The following RBM33 variants were observed in gnomAD, a reference collection of about 807,000 sequenced individuals.
RBM33 encodes RNA binding motif protein 33.
A neutral mutation model predicts 132.6 loss-of-function variants in RBM33; 28 were observed. That is an observed-to-expected ratio of 0.21 (90% CI 0.16 to 0.29). RBM33 has a LOEUF of 0.29. Ranked by LOEUF, RBM33 falls within the 10% of genes least tolerant of loss-of-function variation. The pLI, the probability that RBM33 is intolerant of heterozygous loss-of-function variation, is 1.00. For missense variants in RBM33, 1,291 were observed against 1,518.5 expected (o/e 0.85, Z 2.49); for synonymous variants, 634 against 593.0 (o/e 1.07, Z -1.01).
In RBM33 at chr7:155,766,447, A is replaced by G. The variant is rs1466951577; in HGVS notation, c.3187-20A>G. ...AGCTCAGGCTTGAAACTCTGAATGT[A>G]TTTCCTTTGTTGTCACCAGGCCATC... On this transcript the variant is annotated intron_variant, in intron 15 of 17. Coordinates refer to ENST00000401878, the MANE Select transcript of RBM33 (RefSeq NM_053043.3). The G allele has an allele frequency of 6.2e-7, 1 of 1,611,922 alleles. No homozygotes were observed. The highest frequency in any genetic ancestry group is 8.5e-7 in the Non-Finnish European group (1 of 1,179,550).
At chr7:155,754,456 G>C (rs1452790514) in intron 14 of RBM33, among the ~76,000 whole-genome samples, 1 of 152,232 alleles carries the variant, frequency 6.6e-6, no homozygotes, top group Admixed American at 6.5e-5. Context: ...GCACCCCTCT[G>C]TGAGGGACTG....
At chr7:155,701,097 A>G (rs972568765) in intron 6 of RBM33, 153 bp downstream of exon 6, 1 of 670,260 alleles carries the variant, frequency 1.5e-6, no homozygotes, top group African/African-American at 1.8e-5. Flanking sequence ...AGTGCTGTTT[A>G]TGGTACTGTA....
chr7:155,734,564 G>A (rs954285114), intron 9 of RBM33, among the ~76,000 whole-genome samples: 1 of 152,152 alleles, frequency 6.6e-6, no homozygotes, highest in African/African-American at 2.4e-5. Flanking sequence ...TTCAGGCTGT[G>A]ATATTGTCTC....
At chr7:155,738,824 A>G (rs2117025933) in intron 11 of RBM33, 1 of 172,520 alleles carries the variant, frequency 5.8e-6, no homozygotes, top group African/African-American at 2.4e-5. Flanking sequence ...TTCACTGGTT[A>G]TTTGAAGGCC....
chr7:155,713,068 G>C (rs1205266380), intron 8 of RBM33, among the ~76,000 whole-genome samples: 1 of 152,164 alleles, frequency 6.6e-6, no homozygotes, highest in East Asian at 1.9e-4. Context: ...GGGCCGATGG[G>C]ATTTGCTGAT....
At chr7:155,707,116 G>GCA (rs746216056) in intron 7 of RBM33, 48 bp downstream of exon 7, 8 of 1,431,608 alleles carry the variant, frequency 5.6e-6, no homozygotes, top group African/African-American at 1.4e-5. Context: ...AGAACAAATG[G>GCA]CAGTAAGCTT....
At chr7:155,653,357 T>G (rs1563127922) in intron 1 of RBM33, among the ~76,000 whole-genome samples, 1 of 152,138 alleles carries the variant, frequency 6.6e-6, no homozygotes, top group Non-Finnish European at 1.5e-5. Context: ...CATGCCCTTT[T>G]GGGGGATGCT....
Position 155,711,285 on chromosome 7 carries a change from T to C in RBM33, c.1031T>C (p.Leu344Pro). 1 of 1,605,994 alleles carries C rather than the reference T, an allele frequency of 6.2e-7. No homozygotes were observed. The highest frequency in any genetic ancestry group is 8.5e-7 in the Non-Finnish European group (1 of 1,176,602). The stretch of plus-strand genomic sequence containing the variant: ...TTCCAGCCGCAGCCGCTGCAGCCGC[T>C]GCTTCCGGTGCAGCACCCGCACCAC... ...SLFQPQPLQP[L>P]LPVQHPHHPS... is the part of the protein sequence containing the mutation. Residue 344 changes from leucine (L) to proline (P), a missense_variant, in exon 8 of 18, where the codon CTG becomes CCG. Transcript: ENST00000401878.
intron 4 of RBM33, 130 bp from the exon 5 acceptor site, chr7:155,680,460 A>G (rs1799307110): frequency 1.4e-6 from 1 of 702,970 alleles, no homozygotes; most frequent in Non-Finnish European, 2.3e-6. Context: ...GTTAATGTGC[A>G]TTTGTCAGTA....
intron 3 of RBM33, among the ~76,000 whole-genome samples, 179 bp downstream of exon 3, chr7:155,673,094 G>A (rs908957511): frequency 6.6e-6 from 1 of 152,046 alleles, no homozygotes; most frequent in Non-Finnish European, 1.5e-5. Flanking sequence ...AAATTCTCTG[G>A]TAATTATAAC....
In RBM33 at chr7:155,778,452, G is replaced by A. The variant is rs148683414; in HGVS notation, c.*3411G>A. On this transcript the variant is annotated 3_prime_UTR_variant, in exon 18 of 18. Transcript: ENST00000401878. The surrounding 1 kb of genome is among the most constrained non-coding windows in gnomAD (Gnocchi z 4.0). Reference sequence around the variant, plus strand: ...AGACCCAGGTGAGGAGAGGCCTGGGGATTGGGGAAGCTGTCATCTCAGTGT... The same window carrying A: ...AGACCCAGGTGAGGAGAGGCCTGGGAATTGGGGAAGCTGTCATCTCAGTGT... 6.0e-3 allele frequency: 916 copies of A among 152,448 alleles called. 5 individuals are homozygous for A. The highest frequency in any genetic ancestry group is 0.011 in the Non-Finnish European group (732 of 68,094). The allele number at this position is 152,448 out of a possible 1,614,324, so 9.4% of individuals were successfully genotyped here. A position where few individuals can be genotyped will look rare whatever the true frequency, so the allele number is the denominator to read the frequency against.
intron 14 of RBM33, among the ~76,000 whole-genome samples, chr7:155,753,516 A>T (rs1801750166): frequency 6.6e-6 from 1 of 152,152 alleles, no homozygotes; most frequent in African/African-American, 2.4e-5. Flanking sequence ...TCCTAGGATG[A>T]TCTCTGGCAG....
At chr7:155,673,418 G>A (rs1381909365) in intron 3 of RBM33, among the ~76,000 whole-genome samples, 4 of 149,998 alleles carry the variant, frequency 2.7e-5, no homozygotes, top group Non-Finnish European at 4.4e-5. Context: ...GTGTGTGTGT[G>A]TGTGTGTGTG....
intron 5 of RBM33, among the ~76,000 whole-genome samples, chr7:155,699,614 A>G (rs1799901460): frequency 1.3e-5 from 2 of 152,170 alleles, no homozygotes; most frequent in Admixed American, 1.3e-4. Flanking sequence ...GGGGTATTGT[A>G]ATTGTCAGGC....
At chr7:155,717,272 G>A (rs966349269) in intron 8 of RBM33, among the ~76,000 whole-genome samples, 2 of 152,118 alleles carry the variant, frequency 1.3e-5, no homozygotes, top group Non-Finnish European at 2.9e-5. Flanking sequence ...CAAGTTCGAG[G>A]TGTGGGCAGG....
chr7:155,767,923 A>G (rs1802279563), intron 16 of RBM33, among the ~76,000 whole-genome samples: 1 of 152,246 alleles, frequency 6.6e-6, no homozygotes, highest in Non-Finnish European at 1.5e-5. Flanking sequence ...TCTCAAAATA[A>G]ATGGTGATGG....
At chr7:155,763,401 A>G (rs1802100750) in intron 14 of RBM33, among the ~76,000 whole-genome samples, 1 of 152,252 alleles carries the variant, frequency 6.6e-6, no homozygotes, top group Non-Finnish European at 1.5e-5. Flanking sequence ...AATAGGAGTT[A>G]AGAGTTTAAA....
chr7:155,724,990 T>TTTTTTGTG (rs71186056), intron 9 of RBM33, among the ~76,000 whole-genome samples: 2 of 123,290 alleles, frequency 1.6e-5, no homozygotes, highest in African/African-American at 6.7e-5. Flanking sequence ...GTGTACAGGT[T>TTTTTTGTG]TGTGTGTGTG....
intron 8 of RBM33, 73 bp from the exon 9 acceptor site, chr7:155,718,312 C>A: frequency 8.5e-7 from 1 of 1,169,724 alleles, no homozygotes; most frequent in Non-Finnish European, 1.3e-6. Flanking sequence ...TTATATTAAA[C>A]TTCATATGTT....
Sources: gnomAD v4.1 joint callset for allele counts (sites outside exome capture counted in the v4.1 genomes callset) on GRCh38, gnomAD v4.1.1 for gene constraint, Gnocchi (gnomAD v3.1) non-coding constraint, MANE v1.5 for transcripts, NCBI Gene and HGNC (gene_info 2026-07-23, HGNC 2026-07-21) for gene names.